The following DPH6 variants were observed in gnomAD, a reference collection of about 807,000 sequenced individuals.
DPH6 encodes diphthamine biosynthesis 6, also known as diphthine--ammonia ligase.
In DPH6, 33 loss-of-function variants were observed where a neutral mutation model predicts 38.2. That is an observed-to-expected ratio of 0.86 (90% CI 0.65 to 1.15). The LOEUF is 1.15. Ranked by LOEUF, DPH6 falls within the 50% of genes most tolerant of loss-of-function variation. The pLI, the probability that DPH6 is intolerant of heterozygous loss-of-function variation, is 0.00. For synonymous variants in DPH6, 108 were observed against 103.0 expected (o/e 1.05, Z -0.30); for missense variants, 325 against 320.0 (o/e 1.02, Z -0.12).
At chr15:35,384,808 G>T (rs1254266564) in intron 6 of DPH6, among the ~76,000 whole-genome samples, 1 of 152,132 alleles carries the variant, frequency 6.6e-6, no homozygotes, top group African/African-American at 2.4e-5. Context: ...CACAGCAAAA[G>T]AAACTATCAT....
chr15:35,489,743 C>A lies in DPH6; in HGVS notation c.313-34923G>T, dbSNP rs1291431927. ...AAACCATTTTTTCTGGAACAGTATA[C>A]AGAAACTATAAAGTATTTTGCCTTA... On this transcript the variant is annotated intron_variant, in intron 3 of 8. Coordinates refer to ENST00000256538, the MANE Select transcript of DPH6 (RefSeq NM_080650.4). The A allele has an allele frequency of 7.1e-6, 7 of 981,188 alleles. No homozygotes were observed. The Admixed American group carries it at 2.5e-4, about 35-fold the overall frequency. 60.8% of individuals were successfully genotyped at this position (981,188 alleles called of 1,614,324 possible).
chr15:35,194,139 CTTT>C, the DPH6 span, among the ~76,000 whole-genome samples: 1 of 152,118 alleles, frequency 6.6e-6, no homozygotes, highest in African/African-American at 2.4e-5. Flanking sequence ...TTTCTATACA[CTTT>C]TTAATGCTGC....
the DPH6 span, among the ~76,000 whole-genome samples, chr15:35,162,832 A>G: frequency 3.3e-5 from 5 of 152,066 alleles, no homozygotes; most frequent in East Asian, 9.7e-4. Flanking sequence ...CCAAAACTGT[A>G]GAAATTGCTA....
At chr15:35,449,187 T>C (rs1160920445) in intron 5 of DPH6, among the ~76,000 whole-genome samples, 1 of 152,066 alleles carries the variant, frequency 6.6e-6, no homozygotes, top group Non-Finnish European at 1.5e-5. Flanking sequence ...CTTTCATCTT[T>C]GCACACCTAT....
chr15:35,304,497 T>C (rs903123851), intron 3 of DPH6, among the ~76,000 whole-genome samples: 23 of 152,028 alleles, frequency 1.5e-4, no homozygotes, highest in African/African-American at 5.6e-4. Flanking sequence ...TAATAAATGG[T>C]ACCTTTTTCA....
chr15:35,341,404 GC>G (rs1307492289), intron 3 of DPH6, among the ~76,000 whole-genome samples: 1 of 152,142 alleles, frequency 6.6e-6, no homozygotes, highest in Non-Finnish European at 1.5e-5. Context: ...CCAGTTCTGT[GC>G]CCTTGCTGGA....
chr15:35,420,734 C>T (rs776583834), intron 5 of DPH6, among the ~76,000 whole-genome samples: 6 of 151,990 alleles, frequency 3.9e-5, no homozygotes, highest in Non-Finnish European at 7.4e-5. Context: ...CCAGGCTGGT[C>T]GCGAACTCCT....
the DPH6 span, among the ~76,000 whole-genome samples, chr15:35,201,688 C>T: frequency 9.2e-5 from 14 of 151,706 alleles, 1 homozygote; most frequent in Admixed American, 2.6e-4. Context: ...AGGATATTAC[C>T]GGATATTTTA....
chr15:35,207,022 A>G, the DPH6 span, among the ~76,000 whole-genome samples: 5 of 149,672 alleles, frequency 3.3e-5, no homozygotes, highest in African/African-American at 1.2e-4. Flanking sequence ...GAAACTGTCA[A>G]ATCAATTTAG....
Position 35,538,485 on chromosome 15 carries a change from G to T in DPH6, c.119-18C>A. The stretch of plus-strand genomic sequence containing the variant: ...AGACCCCACTGCAACAATTAAAATG[G>T]AAATAATTAGCAAAAGAGAGTGAAA... On this transcript the variant is annotated intron_variant, in intron 2 of 8. Transcript: ENST00000256538. The T allele has an allele frequency of 6.8e-7, 1 of 1,465,712 alleles. No individual in the cohort carries two copies. The highest frequency in any genetic ancestry group is 1.4e-5 in the African/African-American group (1 of 71,986). The allele number at this position is 1,465,712 out of a possible 1,614,324, so 90.8% of individuals were successfully genotyped here.
At chr15:35,411,935 T>C (rs8041339) in intron 5 of DPH6, among the ~76,000 whole-genome samples, 46,590 of 151,336 alleles carry the variant, frequency 0.31, 7,901 homozygotes, top group African/African-American at 0.46. Context: ...ATCTAGATGG[T>C]CTTGGGTATG....
chr15:35,277,895 G>C (rs1234342330), intron 3 of DPH6, among the ~76,000 whole-genome samples: 1 of 152,162 alleles, frequency 6.6e-6, no homozygotes, highest in African/African-American at 2.4e-5. Flanking sequence ...GCTTCTAAGA[G>C]CCTATCATCA....
At chr15:35,406,743 A>G (rs1225365709) in intron 6 of DPH6, among the ~76,000 whole-genome samples, 1 of 151,980 alleles carries the variant, frequency 6.6e-6, no homozygotes, top group Non-Finnish European at 1.5e-5. Context: ...TGGCATAGAT[A>G]AGTTAAGAAA....
intron 5 of DPH6, among the ~76,000 whole-genome samples, chr15:35,439,351 C>T (rs1048669558): frequency 6.6e-6 from 1 of 152,210 alleles, no homozygotes; most frequent in African/African-American, 2.4e-5. Flanking sequence ...GTGGGGTATA[C>T]TCCTGTGAAC....
In DPH6 at chr15:35,484,900, T is replaced by C. The variant is rs185231629; in HGVS notation, c.313-30080A>G. Among the ~76,000 whole-genome samples the C allele has an allele frequency of 2.3e-3, 351 of 152,322 alleles. 2 individuals carry two copies. The highest frequency in any genetic ancestry group is 8.2e-3 in the African/African-American group (340 of 41,566). On this transcript the variant is annotated intron_variant, in intron 3 of 8. Transcript: ENST00000256538. ...GTTTAAATAGAAAGAGAAAATACTA[T>C]TCTATTTGCAGAAACTAAAAGCAAG...
chr15:35,282,772 T>A (rs528246568), intron 3 of DPH6: 1 of 340,214 alleles, frequency 2.9e-6, no homozygotes, highest in Non-Finnish European at 6.1e-6. Flanking sequence ...TGTCTAGTCA[T>A]CCCTTCCAAA....
intron 5 of DPH6, among the ~76,000 whole-genome samples, chr15:35,430,502 A>G (rs2053619644): frequency 6.6e-6 from 1 of 151,762 alleles, no homozygotes; most frequent in South Asian, 2.1e-4. Flanking sequence ...CAGGTGAGAA[A>G]TTTATTCTGA....
chr15:35,509,016 T>C (rs2054732203), intron 3 of DPH6, among the ~76,000 whole-genome samples: 1 of 152,204 alleles, frequency 6.6e-6, no homozygotes, highest in South Asian at 2.1e-4. Context: ...CAGATTTTGT[T>C]TGTATGTTTG....
chr15:35,478,962 G>T (rs1461588543), intron 3 of DPH6, among the ~76,000 whole-genome samples: 1 of 151,964 alleles, frequency 6.6e-6, no homozygotes, highest in Non-Finnish European at 1.5e-5. Flanking sequence ...ACAACTGCAA[G>T]AAAGAAACTA....
Sources: allele counts gnomAD v4.1 joint callset (sites outside exome capture counted in the v4.1 genomes callset), GRCh38; gene constraint gnomAD v4.1.1; transcripts MANE v1.5; gene names NCBI Gene and HGNC (gene_info 2026-07-23, HGNC 2026-07-21).